Variants in VMP1 observed in about 807,000 individuals in gnomAD.
VMP1 encodes the protein ectopic P-granules autophagy protein 3 homolog.
In VMP1, 11 loss-of-function variants were observed where a neutral mutation model predicts 56.0. The observed-to-expected ratio is 0.20, with a 90% CI of 0.12 to 0.32. The LOEUF is 0.32. Among genes scored for constraint, VMP1 ranks in the 10% least tolerant of loss-of-function variants. The pLI is 1.00. For missense variants in VMP1, 296 were observed against 490.3 expected (o/e 0.60, Z 3.74); for synonymous variants, 149 against 165.0 (o/e 0.90, Z 0.74).
intron 1 of VMP1, 171 bp from the exon 2 acceptor site, chr17:59,731,250 T>C: frequency 5.6e-6 from 2 of 357,642 alleles, no homozygotes; most frequent in Non-Finnish European, 1.0e-5. Flanking sequence ...AATTGTTCAA[T>C]AGAATAACTA....
intron 10 of VMP1, 191 bp from the exon 11 acceptor site, chr17:59,838,104 T>TC (rs374483215): frequency 3.8e-4 from 90 of 234,116 alleles, no homozygotes; most frequent in African/African-American, 8.7e-4. Flanking sequence ...AATTTTCTTT[T>TC]TTTTTTTTTT....
chr17:59,813,260 T>C (rs2038114603), intron 9 of VMP1, among the ~76,000 whole-genome samples: 1 of 152,144 alleles, frequency 6.6e-6, no homozygotes, highest in African/African-American at 2.4e-5. Flanking sequence ...TTTTTTAATA[T>C]TACAGTGCTA....
At chr17:59,816,945 CAA>C (rs113395601) in intron 9 of VMP1, among the ~76,000 whole-genome samples, 68 of 67,034 alleles carry the variant, frequency 1.0e-3, no homozygotes, top group African/African-American at 2.6e-3. Context: ...GACTCCGTCT[CAA>C]AAAAAAAAAA....
chr17:59,798,886 CAAAAG>C (rs1314648920), intron 7 of VMP1, among the ~76,000 whole-genome samples: 1 of 151,688 alleles, frequency 6.6e-6, no homozygotes, highest in Non-Finnish European at 1.5e-5. Context: ...AACTCCGTCT[CAAAAG>C]AAAAAAATAA....
At chr17:59,799,393 A>G (rs1334142804) in intron 7 of VMP1, among the ~76,000 whole-genome samples, 4 of 152,200 alleles carry the variant, frequency 2.6e-5, no homozygotes, top group Admixed American at 6.5e-5. Flanking sequence ...CGTGTAAGCC[A>G]TCAGCTGGAT....
chr17:59,814,766 C>G (rs1297928972), intron 9 of VMP1, among the ~76,000 whole-genome samples: 1 of 152,124 alleles, frequency 6.6e-6, no homozygotes, highest in African/African-American at 2.4e-5. Flanking sequence ...AAGCTAAAAT[C>G]CATTTATGTT....
intron 7 of VMP1, among the ~76,000 whole-genome samples, chr17:59,782,194 C>T (rs1347563155): frequency 6.6e-6 from 1 of 152,182 alleles, no homozygotes; most frequent in African/African-American, 2.4e-5. Context: ...CAGGCATGAG[C>T]CACCGCACCT....
intron 7 of VMP1, among the ~76,000 whole-genome samples, chr17:59,798,057 G>C (rs1225845903): frequency 6.6e-6 from 1 of 152,122 alleles, no homozygotes; most frequent in Admixed American, 6.5e-5. Context: ...CTCAGTAGTG[G>C]TTACATGGGT....
At chr17:59,829,289 G>T (rs781072976) in intron 10 of VMP1, among the ~76,000 whole-genome samples, 3 of 152,116 alleles carry the variant, frequency 2.0e-5, no homozygotes, top group Non-Finnish European at 4.4e-5. Context: ...GATTAATAAA[G>T]GGCTGAAAGG....
Position 59,811,938 on chromosome 17 carries a change from A to C in VMP1, c.912+152A>C, listed in dbSNP as rs2038064566. On this transcript the variant is annotated intron_variant, in intron 9 of 11. Coordinates refer to ENST00000262291, the MANE Select transcript of VMP1 (RefSeq NM_030938.5). ...AATACCACATAGAATGTCATTTGGAATTAGTGATCTCCTTGTTTTCTTTCT... is the reference window on the plus strand; with the variant it reads ...AATACCACATAGAATGTCATTTGGACTTAGTGATCTCCTTGTTTTCTTTCT... 3 of 566,236 alleles carry C rather than the reference A, an allele frequency of 5.3e-6. No homozygotes were observed. In the East Asian group the frequency reaches 9.3e-5, roughly 18 times the overall value. 35.1% of individuals were successfully genotyped at this position (566,236 alleles called of 1,614,324 possible). A position where few individuals can be genotyped will look rare whatever the true frequency, so the allele number is the denominator to read the frequency against.
At chr17:59,808,368 T>G (rs2037922829) in intron 7 of VMP1, among the ~76,000 whole-genome samples, 1 of 152,252 alleles carries the variant, frequency 6.6e-6, no homozygotes, top group Admixed American at 6.5e-5. Flanking sequence ...GAATGCTTAC[T>G]TATTGCCACA....
intron 7 of VMP1, among the ~76,000 whole-genome samples, chr17:59,804,160 A>G (rs979393259): frequency 1.3e-4 from 20 of 152,142 alleles, no homozygotes; most frequent in Non-Finnish European, 2.5e-4. Context: ...TGTTTTTAGA[A>G]AAACAAAGAA....
At chr17:59,717,861 A>G (rs959740088) in intron 1 of VMP1, among the ~76,000 whole-genome samples, 1 of 152,112 alleles carries the variant, frequency 6.6e-6, no homozygotes, top group African/African-American at 2.4e-5. Flanking sequence ...TGGAGTTTGC[A>G]GTAAGCCGAG....
At chr17:59,800,224 ATAGT>A (rs1356982376) in intron 7 of VMP1, among the ~76,000 whole-genome samples, 4 of 152,208 alleles carry the variant, frequency 2.6e-5, no homozygotes, top group Non-Finnish European at 4.4e-5. Flanking sequence ...TATAAAGATA[ATAGT>A]TAATTGTATA....
At chr17:59,736,402 CAA>C (rs35085705) in intron 3 of VMP1, among the ~76,000 whole-genome samples, 143 of 141,608 alleles carry the variant, frequency 1.0e-3, no homozygotes, top group Admixed American at 1.1e-3. Context: ...TACTCTGTCT[CAA>C]AAAAAAAAAA....
intron 1 of VMP1, among the ~76,000 whole-genome samples, chr17:59,717,163 A>T (rs985249677): frequency 6.6e-6 from 1 of 151,612 alleles, no homozygotes; most frequent in Non-Finnish European, 1.5e-5. Flanking sequence ...ATAGACACGG[A>T]GTTTCACTGT....
chr17:59,731,318 G>T (rs2034815291), intron 1 of VMP1, 103 bp from the exon 2 acceptor site: 2 of 631,834 alleles, frequency 3.2e-6, no homozygotes, highest in African/African-American at 2.0e-5. Context: ...TACATATCAT[G>T]TGGCTTATTA....
chr17:59,820,897 A>G (rs931689849), intron 10 of VMP1, among the ~76,000 whole-genome samples: 2 of 151,774 alleles, frequency 1.3e-5, no homozygotes, highest in African/African-American at 4.8e-5. Flanking sequence ...TTATTTATCT[A>G]TGGTAAATAG....
At chr17:59,807,291 G>A (rs574422175) in intron 7 of VMP1, among the ~76,000 whole-genome samples, 17 of 150,140 alleles carry the variant, frequency 1.1e-4, no homozygotes, top group African/African-American at 3.4e-4. Flanking sequence ...TCTGCCTCCC[G>A]GGTTTGCACC....
Sources: gnomAD v4.1 joint callset for allele counts (sites outside exome capture counted in the v4.1 genomes callset) on GRCh38, gnomAD v4.1.1 for gene constraint, MANE v1.5 for transcripts, NCBI Gene and HGNC (gene_info 2026-07-23, HGNC 2026-07-21) for gene names.